UBAC1: variants seen among roughly 807,000 people sequenced by gnomAD.
The protein encoded by UBAC1 is UBA domain containing 1, also known as ubiquitin-associated domain-containing protein 1.
Under a neutral mutation model 45.9 loss-of-function variants are expected in UBAC1, and 27 were observed. The ratio of observed to expected loss-of-function variants is 0.59; its 90% CI spans 0.43 to 0.81. The LOEUF (loss-of-function observed/expected upper bound fraction) is 0.81, where lower values mean the gene tolerates loss of function less well. Ranked by LOEUF, UBAC1 falls within the 30% of genes least tolerant of loss-of-function variation. The probability of loss-of-function intolerance (pLI) is 0.00; values close to 1 mark genes in which losing one functional copy is unlikely to be tolerated. For synonymous variants in UBAC1, 227 were observed against 215.5 expected (o/e 1.05, Z -0.47); for missense variants, 529 against 539.2 (o/e 0.98, Z 0.19).
At chr9:135,956,418 C>A (rs1839466540) in intron 1 of UBAC1, among the ~76,000 whole-genome samples, 1 of 152,174 alleles carries the variant, frequency 6.6e-6, no homozygotes, top group Non-Finnish European at 1.5e-5. Flanking sequence ...AACACGGGGG[C>A]TAGGCGCGTC....
At chr9:135,943,646 T>C (rs1218020514) in intron 7 of UBAC1, among the ~76,000 whole-genome samples, 1 of 152,154 alleles carries the variant, frequency 6.6e-6, no homozygotes, top group Non-Finnish European at 1.5e-5. Flanking sequence ...GTTATAAAGA[T>C]ATGTGCACAC....
Position 135,952,121 on chromosome 9 carries a change from C to T in UBAC1, c.333+1559G>A, listed in dbSNP as rs1839413004. 2.6e-5 allele frequency among the ~76,000 whole-genome samples: 4 copies of T among 152,228 alleles called. No homozygotes were observed. In the South Asian group the frequency reaches 8.3e-4, roughly 31 times the overall value. On this transcript the variant is annotated intron_variant, in intron 3 of 9. Coordinates refer to ENST00000371756, the MANE Select transcript of UBAC1 (RefSeq NM_016172.3). ...AGGCGGAGGCAGGCCCAGATCTGTC[C>T]GCTGCAGATGGGTGGGGCGGCAGCC...
chr9:135,946,469 G>A, intron 4 of UBAC1, 98 bp from the exon 5 acceptor site: 2 of 793,464 alleles, frequency 2.5e-6, no homozygotes, highest in Non-Finnish European at 4.4e-6. Flanking sequence ...GATTCTGAGA[G>A]TTGAGATGAC....
chr9:135,939,860 G>A, intron 7 of UBAC1, 101 bp from the exon 8 acceptor site: 2 of 983,034 alleles, frequency 2.0e-6, no homozygotes, highest in Non-Finnish European at 3.1e-6. Context: ...CTAGCGGAGG[G>A]TGCTCCCAAC....
intron 9 of UBAC1, among the ~76,000 whole-genome samples, chr9:135,934,521 G>A (rs1486405797): frequency 3.3e-5 from 5 of 152,146 alleles, no homozygotes; most frequent in Non-Finnish European, 5.9e-5. Flanking sequence ...TTAGCTGGGC[G>A]TGGTGGCAGG....
chr9:135,951,841 ATAAT>A lies in UBAC1; in HGVS notation c.333+1835_333+1838del, dbSNP rs201047343. On this transcript the variant is annotated intron_variant, in intron 3 of 9. Transcript: ENST00000371756. Reference sequence around the variant, plus strand: ...TAATAAAATAATAATAAAAATAATAATAATTAATTCATAAAAATATGAACTGACA... The same window carrying A: ...TAATAAAATAATAATAAAAATAATAATAATTCATAAAAATATGAACTGACA... 6.3e-3 allele frequency among the ~76,000 whole-genome samples: 953 copies of A among 152,212 alleles called. 8 individuals are homozygous for A. Among genetic ancestry groups the A allele is most frequent in the African/African-American group, 0.02 (831 of 41,546 alleles).
intron 8 of UBAC1, among the ~76,000 whole-genome samples, chr9:135,938,594 T>C (rs1588530425): frequency 6.6e-6 from 1 of 152,396 alleles, no homozygotes; most frequent in Admixed American, 6.5e-5. Context: ...CTGCAGACCC[T>C]GGTGTCGCAG....
intron 1 of UBAC1, among the ~76,000 whole-genome samples, chr9:135,958,043 A>C (rs1243435623): frequency 7.7e-6 from 1 of 129,942 alleles, no homozygotes; most frequent in East Asian, 2.3e-4. Flanking sequence ...CCACAGGTAT[A>C]ATTTTCTTTT....
chr9:135,949,059 CAAAA>C (rs765248761), intron 3 of UBAC1, among the ~76,000 whole-genome samples: 1 of 103,176 alleles, frequency 9.7e-6, no homozygotes. Flanking sequence ...GACACCATCT[CAAAA>C]AAAAAAAAAA....
intron 3 of UBAC1, among the ~76,000 whole-genome samples, chr9:135,950,816 G>C (rs934036505): frequency 1.3e-5 from 2 of 152,180 alleles, no homozygotes; most frequent in South Asian, 4.1e-4. Flanking sequence ...TGGTTGGGCC[G>C]GGCATGGTGG....
intron 9 of UBAC1, among the ~76,000 whole-genome samples, chr9:135,937,756 G>A (rs1004935802): frequency 6.6e-6 from 1 of 152,242 alleles, no homozygotes; most frequent in Non-Finnish European, 1.5e-5. Flanking sequence ...CTGAATAGTA[G>A]ATACATGGCT....
At chr9:135,958,753 T>C (rs530380678) in intron 1 of UBAC1, among the ~76,000 whole-genome samples, 1 of 152,276 alleles carries the variant, frequency 6.6e-6, no homozygotes, top group Non-Finnish European at 1.5e-5. Flanking sequence ...CTTTTCTGAC[T>C]AACGCATTCT....
Position 135,947,971 on chromosome 9 carries a change from G to A in UBAC1, c.334-66C>T, listed in dbSNP as rs1839358406. ...GAGCAGCAAAAAGACGATGACAACT[G>A]AATCAGCGGAGCTCTGCCCAAGAAA... On this transcript the variant is annotated intron_variant, in intron 3 of 9. Transcript: ENST00000371756. 5.6e-6 allele frequency: 8 copies of A among 1,433,944 alleles called. No homozygotes were observed. In the Admixed American group the frequency reaches 1.6e-4, roughly 29 times the overall value. The allele number at this position is 1,433,944 out of a possible 1,614,324, so 88.8% of individuals were successfully genotyped here.
At chr9:135,956,462 A>T (rs1839467174) in intron 1 of UBAC1, among the ~76,000 whole-genome samples, 1 of 152,106 alleles carries the variant, frequency 6.6e-6, no homozygotes, top group Non-Finnish European at 1.5e-5. Context: ...GCAAACACTG[A>T]TGGTGCCGTG....
intron 2 of UBAC1, among the ~76,000 whole-genome samples, chr9:135,954,282 C>T (rs771078162): frequency 1.3e-5 from 2 of 151,942 alleles, no homozygotes; most frequent in African/African-American, 2.4e-5. Flanking sequence ...CCCATCTCTA[C>T]GAAAATATAA....
At chr9:135,946,727 C>A (rs1839341815) in intron 4 of UBAC1, among the ~76,000 whole-genome samples, 1 of 152,260 alleles carries the variant, frequency 6.6e-6, no homozygotes, top group African/African-American at 2.4e-5. Context: ...ATCTGAGGCT[C>A]CACCCCCATG....
At chr9:135,938,816 G>GC (rs1194938993) in intron 8 of UBAC1, among the ~76,000 whole-genome samples, 1 of 152,212 alleles carries the variant, frequency 6.6e-6, no homozygotes, top group African/African-American at 2.4e-5. Context: ...GGGATGGTGG[G>GC]GGGGGGATGT....
At chr9:135,941,695 T>C (rs1839271087) in intron 7 of UBAC1, among the ~76,000 whole-genome samples, 1 of 142,420 alleles carries the variant, frequency 7.0e-6, no homozygotes, top group Non-Finnish European at 1.6e-5. Context: ...TCCCAGCCCA[T>C]GGGGGCAAAG....
intron 2 of UBAC1, 119 bp downstream of exon 2, chr9:135,955,176 T>C: frequency 2.8e-6 from 3 of 1,081,858 alleles, no homozygotes; most frequent in Non-Finnish European, 3.7e-6. Flanking sequence ...GATCTCGTTT[T>C]TGTGCTCGTG....
Sources: gnomAD v4.1 joint callset for allele counts (sites outside exome capture counted in the v4.1 genomes callset) on GRCh38, gnomAD v4.1.1 for gene constraint, MANE v1.5 for transcripts, NCBI Gene and HGNC (gene_info 2026-07-23, HGNC 2026-07-21) for gene names.